PPP3CB: variants seen among roughly 807,000 people sequenced by gnomAD.
PPP3CB encodes the protein serine/threonine-protein phosphatase 2B catalytic subunit beta isoform.
A neutral mutation model predicts 66.4 loss-of-function variants in PPP3CB; 8 were observed. The ratio of observed to expected loss-of-function variants is 0.12; its 90% CI spans 0.07 to 0.22. The LOEUF (loss-of-function observed/expected upper bound fraction) is 0.22. Ranked by LOEUF, PPP3CB falls within the 10% of genes least tolerant of loss-of-function variation. PPP3CB has a pLI of 1.00. For synonymous variants in PPP3CB, 208 were observed against 221.2 expected (o/e 0.94, Z 0.53); for missense variants, 319 against 642.5 (o/e 0.50, Z 5.44).
At chr10:73,460,924 G>C (rs1288400996) in intron 9 of PPP3CB, among the ~76,000 whole-genome samples, 1 of 152,228 alleles carries the variant, frequency 6.6e-6, no homozygotes, top group East Asian at 1.9e-4. Context: ...CTCACAGAGA[G>C]ACACTACTAG....
chr10:73,492,415 G>C (rs1188689213), intron 1 of PPP3CB, among the ~76,000 whole-genome samples: 1 of 152,172 alleles, frequency 6.6e-6, no homozygotes, highest in East Asian at 1.9e-4. Flanking sequence ...GGGGAAAAAA[G>C]GAGGTATCTG....
chr10:73,472,645 C>A (rs1461648422), intron 4 of PPP3CB, among the ~76,000 whole-genome samples: 1 of 151,702 alleles, frequency 6.6e-6, no homozygotes, highest in Non-Finnish European at 1.5e-5. Context: ...CTACTTTATT[C>A]TTATTACAGG....
intron 10 of PPP3CB, among the ~76,000 whole-genome samples, chr10:73,446,952 C>T (rs1178217561): frequency 6.6e-6 from 1 of 152,168 alleles, no homozygotes. Context: ...TTCATGACAG[C>T]CTATGGCATG....
intron 8 of PPP3CB, among the ~76,000 whole-genome samples, chr10:73,470,115 C>T (rs148956970): frequency 1.3e-5 from 2 of 151,616 alleles, no homozygotes; most frequent in South Asian, 2.1e-4. Context: ...ATCTCTGGAA[C>T]GGAAGGCAAA....
intron 6 of PPP3CB, 49 bp downstream of exon 6, chr10:73,471,021 T>C: frequency 6.2e-7 from 1 of 1,600,564 alleles, no homozygotes; most frequent in African/African-American, 1.3e-5. Flanking sequence ...ATGAAGCATA[T>C]GCTATGTTAA....
At position 73,462,926 on chromosome 10, in the gene PPP3CB, G is replaced by C. The variant is rs145325440; in HGVS notation, c.1108+4627C>G. Among the ~76,000 whole-genome samples the C allele has an allele frequency of 8.0e-5, 11 of 137,728 alleles. 1 individual carries two copies. The East Asian group carries it at 2.5e-3, about 31-fold the overall frequency. 90.4% of individuals were successfully genotyped at this position (137,728 alleles called of 152,430 possible). A position where few individuals can be genotyped will look rare whatever the true frequency, so the allele number is the denominator to read the frequency against. On this transcript the variant is annotated intron_variant, in intron 9 of 13. Transcript: ENST00000360663. Reference sequence around the variant, plus strand: ...GATCACACCACTGCACTCCAGCCTGGGTGACAGAGCAAGACTCTGTCTCAA... The same window carrying C: ...GATCACACCACTGCACTCCAGCCTGCGTGACAGAGCAAGACTCTGTCTCAA...
In PPP3CB at chr10:73,461,930, G is replaced by A. The variant is rs187629069; in HGVS notation, c.1108+5623C>T. The stretch of plus-strand genomic sequence containing the variant: ...ACCATCCCTTTGGTGCTGTCCTCAC[G>A]ATAGTGAGTAAATTCTTGTGAAATT... On this transcript the variant is annotated intron_variant, in intron 9 of 13. Coordinates refer to ENST00000360663, the MANE Select transcript of PPP3CB (RefSeq NM_021132.4). 1.9e-3 allele frequency among the ~76,000 whole-genome samples: 288 copies of A among 152,134 alleles called. 4 individuals are homozygous for A. The highest frequency in any genetic ancestry group is 0.012 in the South Asian group (60 of 4,820).
chr10:73,483,786 T>C (rs1217340997), intron 1 of PPP3CB, among the ~76,000 whole-genome samples: 1 of 152,188 alleles, frequency 6.6e-6, no homozygotes, highest in Admixed American at 6.5e-5. Context: ...AAGATAACTG[T>C]CCAAATAGAA....
chr10:73,460,201 A>T (rs1030453909), intron 9 of PPP3CB, among the ~76,000 whole-genome samples: 2 of 147,800 alleles, frequency 1.4e-5, no homozygotes, highest in Non-Finnish European at 3.0e-5. Flanking sequence ...ATTAAATCGT[A>T]GCTTTAAAGT....
rs1342212287 is a variant in PPP3CB, at chr10:73,473,171, G to A, written c.524-1558C>T. Reference sequence around the variant, plus strand: ...CTTATCTTACTCATTTAGGTTAACTGCCTGATCCTTGAAGTTATAAGAGTA... The same window carrying A: ...CTTATCTTACTCATTTAGGTTAACTACCTGATCCTTGAAGTTATAAGAGTA... On this transcript the variant is annotated intron_variant, in intron 4 of 13. Coordinates refer to ENST00000360663, the MANE Select transcript of PPP3CB (RefSeq NM_021132.4). 3.9e-5 allele frequency among the ~76,000 whole-genome samples: 6 copies of A among 152,224 alleles called. No homozygotes were observed. The East Asian group carries it at 9.6e-4, about 24-fold the overall frequency.
At chr10:73,451,687 T>C (rs2056346609) in intron 10 of PPP3CB, among the ~76,000 whole-genome samples, 1 of 151,626 alleles carries the variant, frequency 6.6e-6, no homozygotes. Context: ...GGAGGACTGC[T>C]TGAGGCCAGG....
intron 12 of PPP3CB, among the ~76,000 whole-genome samples, chr10:73,443,286 C>CAGACAGAAAGAAAGAA (rs1441809416): frequency 7.5e-4 from 87 of 115,708 alleles, no homozygotes; most frequent in African/African-American, 2.3e-3. Context: ...GAAAGAAAGA[C>CAGACAGAAAGAAAGAA]AGAAAGAAAG....
chr10:73,493,421 G>A (rs1339350545), intron 1 of PPP3CB, among the ~76,000 whole-genome samples: 1 of 152,140 alleles, frequency 6.6e-6, no homozygotes, highest in Non-Finnish European at 1.5e-5. Context: ...ATTTTAACAA[G>A]TTAAACTTAA....
intron 12 of PPP3CB, among the ~76,000 whole-genome samples, chr10:73,440,981 A>G (rs1401423278): frequency 6.6e-6 from 1 of 152,168 alleles, no homozygotes; most frequent in African/African-American, 2.4e-5. Flanking sequence ...GCACACAACA[A>G]TACTGGTTTA....
At chr10:73,458,128 CA>C (rs1362968178) in intron 9 of PPP3CB, among the ~76,000 whole-genome samples, 3 of 151,996 alleles carry the variant, frequency 2.0e-5, no homozygotes, top group Non-Finnish European at 2.9e-5. Context: ...ATATAGACAA[CA>C]AAAAAATGTT....
At chr10:73,484,024 C>T (rs2056928043) in intron 1 of PPP3CB, among the ~76,000 whole-genome samples, 1 of 151,844 alleles carries the variant, frequency 6.6e-6, no homozygotes, top group Admixed American at 6.6e-5. Flanking sequence ...CGCCTGTAGT[C>T]CCAGCTACTT....
At chr10:73,459,608 A>C (rs2056488200) in intron 9 of PPP3CB, among the ~76,000 whole-genome samples, 1 of 152,244 alleles carries the variant, frequency 6.6e-6, no homozygotes, top group African/African-American at 2.4e-5. Context: ...TGCTATATCC[A>C]TACAATAGAC....
In PPP3CB at chr10:73,444,799, G is replaced by A. The variant is rs2132774216; in HGVS notation, c.1292C>T (p.Thr431Ile). 2 of 1,613,486 alleles carry A rather than the reference G, an allele frequency of 1.2e-6. No homozygotes were observed. The highest frequency in any genetic ancestry group is 4.5e-5 in the East Asian group (2 of 44,886). ...CCCTGTGGGAGTCAGGCCCTTGAGTGTCAGCACACTTTCACTCTCCTCCCT... is the reference window on the plus strand; with the variant it reads ...CCCTGTGGGAGTCAGGCCCTTGAGTATCAGCACACTTTCACTCTCCTCCCT... ...VLREESESVL[T>I]LKGLTPTGML... Residue 431 changes from threonine to isoleucine, a missense_variant, in exon 12 of 14, where the codon ACA becomes ATA. This residue lies in a region of PPP3CB where 120 missense variants were observed against 331.2 expected (regional missense o/e 0.36). Transcript: ENST00000360663.
chr10:73,458,160 G>A (rs994738135), intron 9 of PPP3CB, among the ~76,000 whole-genome samples: 6 of 151,976 alleles, frequency 3.9e-5, no homozygotes, highest in African/African-American at 9.7e-5. Context: ...TTTTAGAGAC[G>A]GAGTCTCACT....
Sources: gnomAD v4.1 joint callset for allele counts (sites outside exome capture counted in the v4.1 genomes callset) on GRCh38, gnomAD v4.1.1 for gene constraint, gnomAD v4.1.1 regional missense constraint, MANE v1.5 for transcripts, NCBI Gene and HGNC (gene_info 2026-07-23, HGNC 2026-07-21) for gene names.